The following RORA variants were observed in gnomAD, a reference collection of about 807,000 sequenced individuals.
RORA encodes the protein RAR related orphan receptor A.
A neutral mutation model predicts 69.5 loss-of-function variants in RORA; 7 were observed. That is an observed-to-expected ratio of 0.10 (90% CI 0.06 to 0.19). The LOEUF is 0.19. Among genes scored for constraint, RORA ranks in the 10% least tolerant of loss-of-function variants. The pLI, the probability that RORA is intolerant of heterozygous loss-of-function variation, is 1.00. For synonymous variants in RORA, 261 were observed against 240.8 expected (o/e 1.08, Z -0.78); for missense variants, 457 against 663.0 (o/e 0.69, Z 3.41).
At chr15:61,140,454 T>C (rs150286852) in intron 1 of RORA, among the ~76,000 whole-genome samples, 1 of 152,334 alleles carries the variant, frequency 6.6e-6, no homozygotes, top group East Asian at 1.9e-4. Flanking sequence ...TTCTGTGATG[T>C]TGCCACCCGG....
At chr15:60,967,375 T>G (rs1375418397) in intron 1 of RORA, among the ~76,000 whole-genome samples, 1 of 152,168 alleles carries the variant, frequency 6.6e-6, no homozygotes, top group Non-Finnish European at 1.5e-5. Flanking sequence ...GAATTTGAAT[T>G]GGGAATCAGC....
At chr15:61,006,356 A>G (rs941468703) in intron 1 of RORA, among the ~76,000 whole-genome samples, 1 of 152,122 alleles carries the variant, frequency 6.6e-6, no homozygotes, top group African/African-American at 2.4e-5. Flanking sequence ...AAAAACTGCA[A>G]TTAGCTTCTC....
chr15:60,645,450 C>G (rs553097950), intron 2 of RORA, among the ~76,000 whole-genome samples: 1 of 142,516 alleles, frequency 7.0e-6, no homozygotes, highest in African/African-American at 2.6e-5. Flanking sequence ...GAGGCAGAGT[C>G]TCACTCTGCT....
At position 60,678,665 on chromosome 15, in the gene RORA, G is replaced by C; in HGVS notation, c.188C>G (p.Thr63Arg). ...AAAAATGCATTACTTACATGTATGT[G>C]TCTTCTTCGTTACTGAGATACCTGG... ...TSRGISVTKK[T>R]HTSQIEIIPC... The change falls in exon 2 of 11, where the codon ACA becomes AGA. Residue 63 changes from threonine to arginine, a missense_variant. By Grantham distance (71) the Thr-to-Arg change is moderately conservative (BLOSUM62 -1). Around this residue, in one of 3 missense-constraint regions of RORA, gnomAD observed 119 missense variants for 92.4 expected, o/e 1.29. Coordinates refer to ENST00000335670, the MANE Select transcript of RORA (RefSeq NM_134261.3). 6.2e-7 allele frequency: 1 copy of C among 1,611,994 alleles called. No homozygotes were observed. Among genetic ancestry groups the C allele is most frequent in the Non-Finnish European group, 8.5e-7 (1 of 1,178,132 alleles).
chr15:60,915,524 T>C (rs1891846848), intron 1 of RORA, among the ~76,000 whole-genome samples: 1 of 152,232 alleles, frequency 6.6e-6, no homozygotes, highest in Non-Finnish European at 1.5e-5. Flanking sequence ...GTTTCCATGG[T>C]GGCGCGAATA....
intron 1 of RORA, among the ~76,000 whole-genome samples, chr15:61,146,066 T>C (rs1169963394): frequency 3.3e-5 from 5 of 152,170 alleles, no homozygotes; most frequent in African/African-American, 1.2e-4. Flanking sequence ...AAACAACCAA[T>C]GCCACCAAAA....
chr15:61,013,770 C>G (rs938782701), intron 1 of RORA, among the ~76,000 whole-genome samples: 3 of 140,418 alleles, frequency 2.1e-5, no homozygotes, highest in African/African-American at 5.2e-5. Context: ...TAGCCAAGAA[C>G]TGGGTTGGCT....
intron 1 of RORA, among the ~76,000 whole-genome samples, chr15:60,819,757 A>ACACACACACACACACACACGCGCG (rs1304640453): frequency 3.4e-5 from 2 of 59,498 alleles, no homozygotes; most frequent in Non-Finnish European, 5.5e-5. Context: ...ACACACACAC[A>ACACACACACACACACACACGCGCG]CACACACACA....
intron 1 of RORA, among the ~76,000 whole-genome samples, chr15:61,173,160 C>G (rs2079600204): frequency 6.6e-6 from 1 of 152,144 alleles, no homozygotes; most frequent in Non-Finnish European, 1.5e-5. Flanking sequence ...ATCCTCATCT[C>G]AATCCTATGA....
intron 1 of RORA, among the ~76,000 whole-genome samples, chr15:61,021,249 G>A (rs112027758): frequency 1.1e-4 from 17 of 152,336 alleles, no homozygotes; most frequent in African/African-American, 3.8e-4. Context: ...AAGTGACTGC[G>A]ATGTTTCAGC....
At chr15:60,858,511 G>A (rs961367638) in intron 1 of RORA, among the ~76,000 whole-genome samples, 3 of 152,004 alleles carry the variant, frequency 2.0e-5, no homozygotes, top group African/African-American at 7.3e-5. Flanking sequence ...GATGAGCTCA[G>A]GCGGGAGAAG....
At chr15:61,154,446 C>T (rs971102091) in intron 1 of RORA, among the ~76,000 whole-genome samples, 8 of 152,078 alleles carry the variant, frequency 5.3e-5, no homozygotes, top group East Asian at 1.9e-4. Flanking sequence ...CTGTGAGCCA[C>T]AGCACTCCAT....
chr15:60,903,457 C>T (rs559229220), intron 1 of RORA, among the ~76,000 whole-genome samples: 122 of 152,354 alleles, frequency 8.0e-4, no homozygotes, highest in Non-Finnish European at 3.7e-4. Context: ...ATCCTTTCCC[C>T]TGTGAGTCAG....
intron 10 of RORA, among the ~76,000 whole-genome samples, chr15:60,498,297 G>A (rs1318614107): frequency 6.6e-6 from 1 of 152,128 alleles, no homozygotes; most frequent in Non-Finnish European, 1.5e-5. Context: ...GCAAAAAGAT[G>A]TCTAGTGATG....
intron 1 of RORA, among the ~76,000 whole-genome samples, chr15:60,870,909 G>A (rs554766044): frequency 1.6e-4 from 24 of 152,248 alleles, no homozygotes; most frequent in African/African-American, 5.3e-4. Flanking sequence ...GTGATCTCTT[G>A]CCAAGAAGTA....
intron 2 of RORA, among the ~76,000 whole-genome samples, chr15:60,646,004 G>A (rs886244226): frequency 1.3e-5 from 2 of 152,080 alleles, no homozygotes; most frequent in South Asian, 4.1e-4. Context: ...TCGGGGCCTC[G>A]CCCGTATGCT....
At chr15:61,069,506 A>T (rs377329970) in intron 1 of RORA, among the ~76,000 whole-genome samples, 1 of 152,182 alleles carries the variant, frequency 6.6e-6, no homozygotes, top group African/African-American at 2.4e-5. Flanking sequence ...GGAAAGAGGA[A>T]GGGGCGAGTG....
At chr15:60,747,184 C>T (rs1402927802) in intron 1 of RORA, among the ~76,000 whole-genome samples, 3 of 152,104 alleles carry the variant, frequency 2.0e-5, no homozygotes, top group African/African-American at 7.2e-5. Flanking sequence ...TAAGTATGGC[C>T]CACCTCCCAG....
intron 1 of RORA, among the ~76,000 whole-genome samples, chr15:60,902,803 G>T: frequency 6.6e-6 from 1 of 152,198 alleles, no homozygotes; most frequent in African/African-American, 2.4e-5. Flanking sequence ...CACACAATCA[G>T]CTCTCACGAG....
Sources: allele counts gnomAD v4.1 joint callset (sites outside exome capture counted in the v4.1 genomes callset), GRCh38; gene constraint gnomAD v4.1.1; regional missense constraint gnomAD v4.1.1; transcripts MANE v1.5; gene names NCBI Gene and HGNC (gene_info 2026-07-23, HGNC 2026-07-21).